DMD: variants seen among roughly 807,000 people sequenced by gnomAD.
DMD encodes the protein mutant dystrophin.
A neutral mutation model predicts 330.1 loss-of-function variants in DMD; 63 were observed. The ratio of observed to expected loss-of-function variants is 0.19; its 90% CI spans 0.16 to 0.24. The LOEUF is 0.24. Ranked by LOEUF, DMD falls within the 10% of genes least tolerant of loss-of-function variation. DMD has a pLI of 1.00. For synonymous variants in DMD, 1,223 were observed against 959.8 expected (o/e 1.27, Z -5.07); for missense variants, 3,344 against 2,684.1 (o/e 1.25, Z -5.43).
At chrX:33,322,077 A>T (rs1260061813) in intron 1 of DMD, among the ~76,000 whole-genome samples, 1 of 111,668 alleles carries the variant, frequency 9.0e-6, no homozygotes, top group Non-Finnish European at 1.9e-5. Context: ...CAGCAGTAAG[A>T]CTGCTTTGCT....
intron 52 of DMD, among the ~76,000 whole-genome samples, chrX:31,705,484 G>A (rs190416378): frequency 2.6e-3 from 292 of 112,942 alleles, no homozygotes; most frequent in Non-Finnish European, 4.2e-3. Context: ...GAAACTAATG[G>A]ACTGTGACCA....
chrX:31,399,407 T>C (rs544135212), intron 60 of DMD, among the ~76,000 whole-genome samples: 40 of 81,976 alleles, frequency 4.9e-4, no homozygotes, highest in South Asian at 1.7e-3. Flanking sequence ...TTCTGCCAGC[T>C]GAGCTCTGGG....
At chrX:32,105,341 T>A (rs921472010) in intron 44 of DMD, among the ~76,000 whole-genome samples, 1 of 112,306 alleles carries the variant, frequency 8.9e-6, no homozygotes, top group Non-Finnish European at 1.9e-5. Context: ...TCTATATTTA[T>A]ACAGAATTGC....
rs771370218 is a variant in DMD, at chrX:33,243,469, C to T, written c.7+95790G>A. On this transcript the variant is annotated intron_variant, in intron 1 of 17. Coordinates refer to the DMD transcript ENST00000288447. ...CGGTTGGTGACAATGTAAATTAGTA[C>T]ATCTATGAAAAATAGAATGGAGATT... is the stretch of plus-strand genomic sequence containing the variant. Among the ~76,000 whole-genome samples the T allele has an allele frequency of 6.3e-5, 7 of 111,592 alleles. No homozygotes were observed. In the East Asian group the frequency reaches 2.0e-3, roughly 31 times the overall value.
chrX:32,190,196 T>C (rs1262048411), intron 44 of DMD, among the ~76,000 whole-genome samples: 1 of 110,809 alleles, frequency 9.0e-6, no homozygotes, highest in Admixed American at 9.7e-5. Flanking sequence ...ACAACAAAGA[T>C]GTATTTGGCT....
In DMD at chrX:32,554,860, G is replaced by A. The variant is rs1569189847; in HGVS notation, c.1993-9526C>T. ...AGAGAGAGAGAGAGAGAGAGAGAGAGAGAGAGAGAGAAGGAAAGAAGAAAG... is the reference window on the plus strand; with the variant it reads ...AGAGAGAGAGAGAGAGAGAGAGAGAAAGAGAGAGAGAAGGAAAGAAGAAAG... On this transcript the variant is annotated intron_variant, in intron 16 of 78. Transcript: ENST00000357033. 2.7e-4 allele frequency among the ~76,000 whole-genome samples: 16 copies of A among 60,041 alleles called. 1 individual carries two copies. Among genetic ancestry groups the A allele is most frequent in the Non-Finnish European group, 4.0e-4 (11 of 27,565 alleles). 52.1% of individuals were successfully genotyped at this position (60,041 alleles called of 115,157 possible). A position where few individuals can be genotyped will look rare whatever the true frequency, so the allele number is the denominator to read the frequency against.
chrX:32,206,658 C>T (rs1467926630), intron 44 of DMD: 2 of 511,961 alleles, frequency 3.9e-6, no homozygotes, highest in African/African-American at 2.3e-5. Flanking sequence ...AAGCCAAGTT[C>T]ATGAATTATG....
chrX:32,899,076 G>T (rs1456310675), intron 2 of DMD, among the ~76,000 whole-genome samples: 1 of 111,874 alleles, frequency 8.9e-6, no homozygotes, highest in Non-Finnish European at 1.9e-5. Flanking sequence ...AGTTCCTCTT[G>T]AAAAATAAAA....
chrX:31,815,143 G>T (rs1603476413), intron 50 of DMD, among the ~76,000 whole-genome samples: 1 of 112,157 alleles, frequency 8.9e-6, no homozygotes, highest in African/African-American at 3.2e-5. Context: ...GCATAACCTA[G>T]GAACTTTTCA....
intron 52 of DMD, among the ~76,000 whole-genome samples, chrX:31,716,548 T>C (rs868578328): frequency 1.1e-5 from 1 of 94,377 alleles, no homozygotes; most frequent in Non-Finnish European, 2.1e-5. Flanking sequence ...CAAAACTCCA[T>C]CTCAACAAAA....
intron 60 of DMD, among the ~76,000 whole-genome samples, chrX:31,371,420 C>T (rs914353475): frequency 1.4e-4 from 15 of 110,973 alleles, no homozygotes; most frequent in African/African-American, 4.6e-4. Context: ...GCTTCAATGG[C>T]GAATAATTTT....
chrX:32,679,493 C>A (rs1232078028), intron 9 of DMD, among the ~76,000 whole-genome samples: 3 of 110,109 alleles, frequency 2.7e-5, no homozygotes, highest in African/African-American at 9.9e-5. Context: ...ACAAAATTGG[C>A]GAAAAATTTT....
chrX:31,895,440 T>G (rs2094318440), intron 47 of DMD, among the ~76,000 whole-genome samples: 1 of 111,644 alleles, frequency 9.0e-6, no homozygotes, highest in Non-Finnish European at 1.9e-5. Flanking sequence ...TTGTAGTATT[T>G]GGGACATAGT....
chrX:31,433,755 G>A lies in DMD; in HGVS notation c.9084+10726C>T, dbSNP rs767492292. ...ATCACAGGCGTGAGCCACGACACCC[G>A]GTCATTTTTTTCTTGGAGTTTTGGC... On this transcript the variant is annotated intron_variant, in intron 60 of 78. Transcript: ENST00000357033. Among the ~76,000 whole-genome samples, 24 of 111,448 alleles carry A rather than the reference G, an allele frequency of 2.2e-4. 1 individual carries two copies. In the South Asian group the frequency reaches 7.2e-3, roughly 34 times the overall value.
intron 1 of DMD, among the ~76,000 whole-genome samples, chrX:33,246,411 T>C (rs1458889532): frequency 1.8e-5 from 2 of 111,382 alleles, no homozygotes; most frequent in Non-Finnish European, 3.8e-5. Flanking sequence ...CTGTGTTGTG[T>C]TTCTAATGTT....
intron 55 of DMD, among the ~76,000 whole-genome samples, chrX:31,626,785 AT>A (rs954416165): frequency 8.9e-6 from 1 of 112,413 alleles, no homozygotes; most frequent in African/African-American, 3.2e-5. Flanking sequence ...TAGTTTAAAA[AT>A]ATCATAATAG....
At chrX:32,562,341 T>A (rs1037556894) in intron 16 of DMD, among the ~76,000 whole-genome samples, 2 of 112,849 alleles carry the variant, frequency 1.8e-5, no homozygotes, top group African/African-American at 3.2e-5. Context: ...TCCTCCTAGC[T>A]GATTATTTTT....
intron 1 of DMD, among the ~76,000 whole-genome samples, chrX:33,023,159 T>G (rs1445415852): frequency 8.9e-6 from 1 of 112,046 alleles, no homozygotes; most frequent in African/African-American, 3.2e-5. Flanking sequence ...GTGTCCACAC[T>G]TTTAAATTCC....
chrX:32,351,954 A>G (rs773033888), intron 37 of DMD, among the ~76,000 whole-genome samples: 1 of 110,945 alleles, frequency 9.0e-6, no homozygotes, highest in East Asian at 2.8e-4. Flanking sequence ...TTCAATGTGT[A>G]GGGTCTAAAT....
Sources: gnomAD v4.1 joint callset for allele counts (sites outside exome capture counted in the v4.1 genomes callset) on GRCh38, gnomAD v4.1.1 for gene constraint, MANE v1.5 for transcripts, NCBI Gene and HGNC (gene_info 2026-07-23, HGNC 2026-07-21) for gene names.